The following PHACTR1 variants were observed in gnomAD, a reference collection of about 807,000 sequenced individuals.
PHACTR1 encodes phosphatase and actin regulator 1.
In PHACTR1, 16 loss-of-function variants were observed where a neutral mutation model predicts 69.2. The ratio of observed to expected loss-of-function variants is 0.23; its 90% CI spans 0.16 to 0.35. The LOEUF (loss-of-function observed/expected upper bound fraction) is 0.35. Ranked by LOEUF, PHACTR1 falls within the 10% of genes least tolerant of loss-of-function variation. PHACTR1 has a pLI of 1.00. For synonymous variants in PHACTR1, 312 were observed against 284.5 expected, an observed-to-expected ratio of 1.10 and a Z score of -0.97; for missense variants, 510 against 734.7, an observed-to-expected ratio of 0.69 and a Z score of 3.54.
At chr6:12,874,389 A>G (rs1282177902) in intron 4 of PHACTR1, among the ~76,000 whole-genome samples, 1 of 152,208 alleles carries the variant, frequency 6.6e-6, no homozygotes, top group Non-Finnish European at 1.5e-5. Context: ...TAAAGTTCAG[A>G]GATGAAAAGC....
rs575754067 is a variant in PHACTR1 at position 13,246,096 on chromosome 6, C to T, written c.1391+15903C>T. On this transcript the variant is annotated intron_variant, in intron 10 of 14. Coordinates refer to ENST00000332995, the MANE Select transcript of PHACTR1 (RefSeq NM_030948.6). This position sits in a 1 kb window ranked among gnomAD's most constrained non-coding sequence, Gnocchi z 4.2. ...TTAAAATAAAGTCCTCTGACCCAGTCGGTGCTTAAAATTAATATCTCTCAA... is the reference window on the plus strand; with the variant it reads ...TTAAAATAAAGTCCTCTGACCCAGTTGGTGCTTAAAATTAATATCTCTCAA... 6.6e-6 allele frequency among the ~76,000 whole-genome samples: 1 copy of T among 152,042 alleles called. No individual in the cohort carries two copies. Among genetic ancestry groups the T allele is most frequent in the African/African-American group, 2.4e-5 (1 of 41,372 alleles).
chr6:13,044,531 C>T (rs887380182), intron 4 of PHACTR1, among the ~76,000 whole-genome samples: 10 of 152,116 alleles, frequency 6.6e-5, no homozygotes, highest in African/African-American at 1.9e-4. Context: ...CTCTGATTGG[C>T]CAGCACTGGG....
At position 12,804,219 on chromosome 6, in the gene PHACTR1, A is replaced by G. The variant is rs543202303; in HGVS notation, c.250+54429A>G. ...CAAATGCCTATGGAATTATCTGCTC[A>G]TTGAATCATCTAATCATTCTTATAT... On this transcript the variant is annotated intron_variant, in intron 4 of 14. Transcript: ENST00000332995. 3.3e-5 allele frequency among the ~76,000 whole-genome samples: 5 copies of G among 152,184 alleles called. No homozygotes were observed. In the East Asian group the frequency reaches 9.6e-4, roughly 29 times the overall value.
At chr6:13,035,050 G>T (rs1411763833) in intron 4 of PHACTR1, among the ~76,000 whole-genome samples, 2 of 152,174 alleles carry the variant, frequency 1.3e-5, no homozygotes, top group Non-Finnish European at 2.9e-5. Flanking sequence ...AAGTATTCAT[G>T]GGGTGTTTGC....
chr6:12,960,946 C>T (rs181428615), intron 4 of PHACTR1, among the ~76,000 whole-genome samples: 3 of 152,252 alleles, frequency 2.0e-5, no homozygotes, highest in Admixed American at 6.5e-5. Context: ...AACTCCTGAT[C>T]GTATACTGTA....
intron 4 of PHACTR1, among the ~76,000 whole-genome samples, chr6:12,814,161 C>T (rs1581876031): frequency 6.6e-6 from 1 of 152,136 alleles, no homozygotes; most frequent in African/African-American, 2.4e-5. Context: ...TGCATGTTTC[C>T]TGTTTGGCCC....
chr6:13,015,029 A>G (rs1450415365), intron 4 of PHACTR1, among the ~76,000 whole-genome samples: 2 of 152,202 alleles, frequency 1.3e-5, no homozygotes, highest in African/African-American at 4.8e-5. Context: ...CAGATTTTAC[A>G]TTGAAAGCCT....
At chr6:12,914,441 T>C (rs1047973669) in intron 4 of PHACTR1, among the ~76,000 whole-genome samples, 54 of 152,168 alleles carry the variant, frequency 3.5e-4, no homozygotes, top group African/African-American at 1.2e-3. Context: ...CTCGCTTAGC[T>C]CTGAAACTGT....
intron 4 of PHACTR1, among the ~76,000 whole-genome samples, chr6:12,852,205 C>T (rs1327275336): frequency 6.6e-6 from 1 of 152,176 alleles, no homozygotes; most frequent in African/African-American, 2.4e-5. Context: ...AATTGTGAAG[C>T]CAATTTAAAG....
chr6:13,159,545 A>G (rs780822710), intron 5 of PHACTR1, among the ~76,000 whole-genome samples: 3 of 152,236 alleles, frequency 2.0e-5, no homozygotes, highest in Non-Finnish European at 4.4e-5. Flanking sequence ...CATTTCTAGC[A>G]TTGAATCCCA....
chr6:13,070,849 C>T (rs1809403055), intron 5 of PHACTR1, among the ~76,000 whole-genome samples: 2 of 151,120 alleles, frequency 1.3e-5, no homozygotes, highest in Non-Finnish European at 3.0e-5. Flanking sequence ...CAAAAAAAAA[C>T]AAGGTTTTTG....
intron 4 of PHACTR1, among the ~76,000 whole-genome samples, chr6:12,829,593 G>A (rs376451347): frequency 3.3e-5 from 5 of 152,068 alleles, no homozygotes; most frequent in East Asian, 1.9e-4. Context: ...CTTTAAAATA[G>A]CCCAGAAGAG....
chr6:12,752,612 C>T (rs539600677), intron 4 of PHACTR1, among the ~76,000 whole-genome samples: 20 of 152,314 alleles, frequency 1.3e-4, no homozygotes, highest in African/African-American at 4.8e-4. Context: ...ATTCCTTTTA[C>T]TTGGCTGTCA....
At chr6:13,260,036 A>G (rs1019579902) in intron 10 of PHACTR1, among the ~76,000 whole-genome samples, 18 of 152,186 alleles carry the variant, frequency 1.2e-4, no homozygotes, top group Non-Finnish European at 2.5e-4. Context: ...ATTCTCATTC[A>G]TCCCATGGGC....
intron 4 of PHACTR1, among the ~76,000 whole-genome samples, chr6:12,850,136 C>T (rs1779680824): frequency 6.6e-6 from 1 of 152,124 alleles, no homozygotes; most frequent in Admixed American, 6.5e-5. Context: ...TCCCTCTTGC[C>T]CTGGGCAAAT....
At chr6:13,219,282 A>G (rs1768221976) in intron 8 of PHACTR1, among the ~76,000 whole-genome samples, 1 of 152,154 alleles carries the variant, frequency 6.6e-6, no homozygotes, top group African/African-American at 2.4e-5. Flanking sequence ...AAGCTGTTCC[A>G]TCCTCTAGGG....
chr6:13,044,319 A>G (rs1804676126), intron 4 of PHACTR1, among the ~76,000 whole-genome samples: 1 of 152,198 alleles, frequency 6.6e-6, no homozygotes, highest in South Asian at 2.1e-4. Context: ...TTCTTTTAAT[A>G]TTAACCAAGG....
At chr6:13,026,921 T>C (rs1270908822) in intron 4 of PHACTR1, among the ~76,000 whole-genome samples, 1 of 151,558 alleles carries the variant, frequency 6.6e-6, no homozygotes, top group Non-Finnish European at 1.5e-5. Flanking sequence ...AAAATAAAAA[T>C]AAAAATAAAA....
chr6:12,828,977 G>A (rs939698068), intron 4 of PHACTR1, among the ~76,000 whole-genome samples: 4 of 152,154 alleles, frequency 2.6e-5, no homozygotes, highest in African/African-American at 7.2e-5. Flanking sequence ...GAAAGAAATC[G>A]TGAATGTTTG....
Sources: gnomAD v4.1 joint callset for allele counts (sites outside exome capture counted in the v4.1 genomes callset) on GRCh38, gnomAD v4.1.1 for gene constraint, Gnocchi (gnomAD v3.1) non-coding constraint, MANE v1.5 for transcripts, NCBI Gene and HGNC (gene_info 2026-07-23, HGNC 2026-07-21) for gene names.